The following LUC7L2 variants were observed in gnomAD, a reference collection of about 807,000 sequenced individuals.
The protein encoded by LUC7L2 is putative RNA-binding protein Luc7-like 2.
A neutral mutation model predicts 52.8 loss-of-function variants in LUC7L2; 25 were observed. The observed-to-expected ratio is 0.47, with a 90% CI of 0.34 to 0.66. The LOEUF is 0.66. Among genes scored for constraint, LUC7L2 ranks in the 30% least tolerant of loss-of-function variants. LUC7L2 has a pLI of 0.01. For missense variants in LUC7L2, 328 were observed against 497.8 expected (o/e 0.66, Z 3.25); for synonymous variants, 144 against 160.9 (o/e 0.89, Z 0.80).
At position 139,345,779 on chromosome 7, in the gene LUC7L2, A is replaced by T. The variant is rs974798908; in HGVS notation, c.-26+5262A>T. The T allele has an allele frequency of 1.6e-5, 23 of 1,427,440 alleles. No individual in the cohort carries two copies. The East Asian group carries it at 1.8e-4, about 11-fold the overall frequency. The allele number at this position is 1,427,440 out of a possible 1,614,324, so 88.4% of individuals were successfully genotyped here. A position where few individuals can be genotyped will look rare whatever the true frequency, so the allele number is the denominator to read the frequency against. On this transcript the variant is annotated intron_variant, in intron 1 of 10. Coordinates refer to the LUC7L2 transcript ENST00000541170. ...TCTATCAATATGTATTTATCATTAA[A>T]TTTTTTTTAAGTTTAAGGTTTTTCT...
At chr7:139,417,229 C>T in intron 8 of LUC7L2, 1 of 242,960 alleles carries the variant, frequency 4.1e-6, no homozygotes, top group Non-Finnish European at 8.3e-6. Flanking sequence ...TTTATAGAGA[C>T]AGAGTTTCGC....
intron 1 of LUC7L2, chr7:139,346,429 A>T (rs920379122): frequency 6.6e-6 from 1 of 152,152 alleles, no homozygotes; most frequent in African/African-American, 2.4e-5. Context: ...ATACATACAT[A>T]TCTCATTTAA....
Position 139,399,449 on chromosome 7 carries a change from A to ATTTTTT in LUC7L2, c.255+785_255+790dup, listed in dbSNP as rs71169090. 5.9e-3 allele frequency among the ~76,000 whole-genome samples: 297 copies of ATTTTTT among 50,456 alleles called. 63 individuals carry two copies. The highest frequency in any genetic ancestry group is 8.8e-3 in the Non-Finnish European group (229 of 26,116). The allele number at this position is 50,456 out of a possible 152,430, so 33.1% of individuals were successfully genotyped here. A position where few individuals can be genotyped will look rare whatever the true frequency, so the allele number is the denominator to read the frequency against. ...GGACATGCATATGGGTGTTTGGGGG[A>ATTTTTT]TTTTTTTTTTTTTTTTTTTTTTTTT... is the stretch of plus-strand genomic sequence containing the variant. On this transcript the variant is annotated intron_variant, in intron 3 of 9. Coordinates refer to ENST00000354926, the MANE Select transcript of LUC7L2 (RefSeq NM_016019.5).
At chr7:139,386,198 T>G (rs907593756) in intron 2 of LUC7L2, among the ~76,000 whole-genome samples, 1 of 151,690 alleles carries the variant, frequency 6.6e-6, no homozygotes, top group Non-Finnish European at 1.5e-5. Context: ...AGATGGGGTT[T>G]CACCATGTTG....
intron 5 of LUC7L2, 130 bp downstream of exon 5, chr7:139,405,917 G>T (rs558942485): frequency 4.6e-6 from 6 of 1,315,220 alleles, no homozygotes; most frequent in Non-Finnish European, 4.9e-6. Context: ...TTGAACAGTT[G>T]TTAAAGAGAA....
chr7:139,392,078 T>C (rs960190510), intron 2 of LUC7L2, among the ~76,000 whole-genome samples: 1 of 152,234 alleles, frequency 6.6e-6, no homozygotes, highest in Non-Finnish European at 1.5e-5. Context: ...TTTTAAAGGC[T>C]AAATAGACAC....
intron 2 of LUC7L2, among the ~76,000 whole-genome samples, chr7:139,387,587 G>A (rs1379944956): frequency 2.6e-5 from 4 of 152,122 alleles, no homozygotes; most frequent in African/African-American, 4.8e-5. Context: ...ATTTGAGATC[G>A]AATGTGGAGA....
chr7:139,407,146 G>A (rs376560353), intron 5 of LUC7L2, 28 bp from the exon 6 acceptor site: 18 of 1,592,216 alleles, frequency 1.1e-5, no homozygotes, highest in Non-Finnish European at 1.5e-5. Context: ...AGATTTATAT[G>A]GTCATTGTTT....
intron 8 of LUC7L2, among the ~76,000 whole-genome samples, chr7:139,413,792 A>C (rs1291416041): frequency 2.0e-5 from 3 of 152,102 alleles, no homozygotes; most frequent in Non-Finnish European, 4.4e-5. Flanking sequence ...AGAAAAACAA[A>C]AACCTTACAG....
intron 2 of LUC7L2, among the ~76,000 whole-genome samples, chr7:139,386,572 T>C (rs1794204836): frequency 7.1e-6 from 1 of 140,004 alleles, no homozygotes; most frequent in East Asian, 2.0e-4. Flanking sequence ...ACCTGGCTAA[T>C]TTTTTTTTCG....
At chr7:139,380,188 T>A (rs1220945585) in intron 2 of LUC7L2, among the ~76,000 whole-genome samples, 1 of 151,796 alleles carries the variant, frequency 6.6e-6, no homozygotes, top group African/African-American at 2.4e-5. Context: ...CAAAATAAAT[T>A]AATAAATTAA....
chr7:139,409,427 G>A (rs1795259735), intron 6 of LUC7L2, 136 bp from the exon 7 acceptor site: 1 of 1,105,092 alleles, frequency 9.0e-7, no homozygotes, highest in East Asian at 3.2e-5. Context: ...ATTTCTGGCA[G>A]TACTTCAAAT....
intron 1 of LUC7L2, chr7:139,340,628 A>G: frequency 2.5e-6 from 1 of 396,848 alleles, no homozygotes. Context: ...GGGTAAGGCG[A>G]AAATGAAGTG....
intron 9 of LUC7L2, 108 bp downstream of exon 9, chr7:139,417,837 T>C (rs1795693646): frequency 7.1e-7 from 1 of 1,405,686 alleles, no homozygotes; most frequent in Non-Finnish European, 9.5e-7. Flanking sequence ...TTTGAAACTT[T>C]TGCATCTGGT....
At position 139,416,076 on chromosome 7, in the gene LUC7L2, T is replaced by A. The variant is rs1363606473; in HGVS notation, c.810-1462T>A. The A allele has an allele frequency of 1.7e-4, 9 of 51,446 alleles. No individual in the cohort carries two copies. In the East Asian group the frequency reaches 2.9e-3, roughly 17 times the overall value. 3.2% of individuals were successfully genotyped at this position (51,446 alleles called of 1,614,324 possible). On this transcript the variant is annotated intron_variant, in intron 8 of 9. Transcript: ENST00000354926. ...ATATATATATATATATATATATATA[T>A]ATATATATATATATGATTTACTCTG...
intron 2 of LUC7L2, among the ~76,000 whole-genome samples, chr7:139,389,172 T>A (rs534343763): frequency 2.0e-5 from 3 of 152,146 alleles, no homozygotes; most frequent in African/African-American, 7.2e-5. Context: ...TTTCTTGCCC[T>A]TTGTCTCTTT....
chr7:139,358,819 G>C (rs1295065596), upstream of LUC7L2, among the ~76,000 whole-genome samples: 1 of 151,956 alleles, frequency 6.6e-6, no homozygotes, highest in African/African-American at 2.4e-5. Flanking sequence ...CGAGTAGCTG[G>C]GGAGGCGCCC....
intron 6 of LUC7L2, among the ~76,000 whole-genome samples, chr7:139,407,677 T>C (rs1795183202): frequency 6.6e-6 from 1 of 152,078 alleles, no homozygotes; most frequent in Admixed American, 6.5e-5. Context: ...AATGTAATAA[T>C]ATAATATTTA....
chr7:139,366,090 A>G (rs553963963), intron 1 of LUC7L2, among the ~76,000 whole-genome samples: 2 of 152,374 alleles, frequency 1.3e-5, no homozygotes, highest in South Asian at 4.1e-4. Flanking sequence ...GAGAAGTCAA[A>G]GCCGTCAGAA....
Sources: gnomAD v4.1 joint callset for allele counts (sites outside exome capture counted in the v4.1 genomes callset) on GRCh38, gnomAD v4.1.1 for gene constraint, MANE v1.5 for transcripts, NCBI Gene and HGNC (gene_info 2026-07-23, HGNC 2026-07-21) for gene names.